LRP1B: variants seen among roughly 807,000 people sequenced by gnomAD.
The protein encoded by LRP1B is LDL receptor related protein 1B, also known as low-density lipoprotein receptor-related protein 1B.
LRP1B carries 217 observed loss-of-function variants against 556.6 expected under a neutral mutation model. The ratio of observed to expected loss-of-function variants is 0.39; its 90% CI spans 0.35 to 0.44. The LOEUF is 0.44. Among genes scored for constraint, LRP1B ranks in the 20% least tolerant of loss-of-function variants. The pLI, the probability that LRP1B is intolerant of heterozygous loss-of-function variation, is 1.00. For missense variants in LRP1B, 5,053 were observed against 5,620.8 expected (o/e 0.90, Z 3.23); for synonymous variants, 2,047 against 1,865.8 (o/e 1.10, Z -2.50).
At chr2:140,924,007 A>G (rs1694815805) in intron 20 of LRP1B, among the ~76,000 whole-genome samples, 1 of 152,036 alleles carries the variant, frequency 6.6e-6, no homozygotes. Flanking sequence ...ATATTACAGT[A>G]AATAGATATT....
In LRP1B at chr2:140,450,517, G is replaced by A. The variant is rs1686841408; in HGVS notation, c.10057+51C>T. On this transcript the variant is annotated intron_variant, in intron 63 of 90. Coordinates refer to ENST00000389484, the MANE Select transcript of LRP1B (RefSeq NM_018557.3). ...GTGTAGATTCAATTTTCCAGGTCTG[G>A]GATATAAGGAACTCTAAATTCTAAA... 3 of 1,357,484 alleles carry A rather than the reference G, an allele frequency of 2.2e-6. No homozygotes were observed. The South Asian group carries it at 3.6e-5, about 16-fold the overall frequency. 84.1% of individuals were successfully genotyped at this position (1,357,484 alleles called of 1,614,324 possible).
At chr2:141,524,280 A>ATATATATATATATATATATAT (rs1553528056) in intron 2 of LRP1B, among the ~76,000 whole-genome samples, 1 of 151,306 alleles carries the variant, frequency 6.6e-6, no homozygotes, top group African/African-American at 2.4e-5. Context: ...ATATATATAT[A>ATATATATATATATATATATAT]AAACTCAATG....
intron 3 of LRP1B, among the ~76,000 whole-genome samples, chr2:141,289,406 A>AAG (rs1685855384): frequency 1.4e-5 from 2 of 146,512 alleles, no homozygotes; most frequent in African/African-American, 5.0e-5. Context: ...AAAAAAAAAA[A>AAG]GGAATGCAAA....
intron 7 of LRP1B, among the ~76,000 whole-genome samples, chr2:141,146,849 A>G (rs1487137036): frequency 1.3e-5 from 2 of 152,142 alleles, no homozygotes; most frequent in Non-Finnish European, 2.9e-5. Context: ...GAAAACAGTA[A>G]CAAGTAAAAA....
chr2:141,741,228 C>G (rs1186751128), intron 2 of LRP1B, among the ~76,000 whole-genome samples: 2 of 138,612 alleles, frequency 1.4e-5, no homozygotes, highest in African/African-American at 5.4e-5. Context: ...GTAATAAACA[C>G]AGGCGTGCAG....
intron 3 of LRP1B, among the ~76,000 whole-genome samples, chr2:141,383,493 T>C (rs1689715609): frequency 6.6e-6 from 1 of 152,174 alleles, no homozygotes; most frequent in Admixed American, 6.5e-5. Flanking sequence ...GGATAAAAAA[T>C]ATATGGTATA....
intron 43 of LRP1B, among the ~76,000 whole-genome samples, chr2:140,559,621 A>T (rs1680857310): frequency 1.3e-5 from 2 of 152,156 alleles, no homozygotes; most frequent in South Asian, 4.1e-4. Flanking sequence ...GCATGTCAAG[A>T]GAACATGGGA....
intron 66 of LRP1B, among the ~76,000 whole-genome samples, chr2:140,400,131 G>T (rs149950847): frequency 1.3e-5 from 2 of 150,952 alleles, no homozygotes; most frequent in African/African-American, 4.9e-5. Flanking sequence ...TATGATGTCA[G>T]TGCCCCATCT....
intron 7 of LRP1B, among the ~76,000 whole-genome samples, chr2:141,145,109 G>T (rs948180084): frequency 1.3e-5 from 2 of 152,030 alleles, no homozygotes; most frequent in African/African-American, 2.4e-5. Context: ...TTTGCTTTCA[G>T]AATTTTTCTC....
chr2:141,389,596 GCAA>G (rs146962572), intron 3 of LRP1B, among the ~76,000 whole-genome samples: 2,446 of 151,602 alleles, frequency 0.016, 75 homozygotes, highest in African/African-American at 0.056. Flanking sequence ...CGCACGAGGA[GCAA>G]CAACAACAAC....
At position 142,115,857 on chromosome 2, in the gene LRP1B, T is replaced by TGTAATATATATATG. The variant is rs371336853; in HGVS notation, c.82+14790_82+14791insCATATATATATTAC. ...TATATATGTAATATATATATATACA[T>TGTAATATATATATG]ATATATATATATGGGGGAAGTGACA... On this transcript the variant is annotated intron_variant, in intron 1 of 90. Transcript: ENST00000389484. Among the ~76,000 whole-genome samples, 2 of 11,524 alleles carry TGTAATATATATATG rather than the reference T, an allele frequency of 1.7e-4. 1 individual carries two copies. Among genetic ancestry groups the TGTAATATATATATG allele is most frequent in the Non-Finnish European group, 3.9e-4 (2 of 5,102 alleles). 7.6% of individuals were successfully genotyped at this position (11,524 alleles called of 152,430 possible). A position where few individuals can be genotyped will look rare whatever the true frequency, so the allele number is the denominator to read the frequency against.
chr2:141,532,104 T>C (rs1684905143), intron 2 of LRP1B, among the ~76,000 whole-genome samples: 1 of 152,194 alleles, frequency 6.6e-6, no homozygotes, highest in Admixed American at 6.5e-5. Flanking sequence ...TGTGAACACA[T>C]AAGTATCTGT....
At chr2:140,447,389 T>C (rs1454622971) in intron 63 of LRP1B, among the ~76,000 whole-genome samples, 2 of 152,182 alleles carry the variant, frequency 1.3e-5, no homozygotes, top group East Asian at 3.9e-4. Flanking sequence ...ATAAAGCATG[T>C]CATACTTTTT....
intron 2 of LRP1B, among the ~76,000 whole-genome samples, chr2:141,639,349 T>TATATATATACACAC (rs1262198983): frequency 1.6e-4 from 9 of 56,088 alleles, no homozygotes; most frequent in Non-Finnish European, 2.2e-4. Context: ...TATATATATA[T>TATATATATACACAC]ACACACACAC....
intron 32 of LRP1B, among the ~76,000 whole-genome samples, chr2:140,805,424 G>T (rs1690677195): frequency 6.6e-6 from 1 of 152,084 alleles, no homozygotes; most frequent in Admixed American, 6.6e-5. Context: ...AAGATTTGAT[G>T]GTTGTTGGAG....
At chr2:140,530,805 AAAAG>A (rs1250261022) in intron 47 of LRP1B, among the ~76,000 whole-genome samples, 1 of 152,130 alleles carries the variant, frequency 6.6e-6, no homozygotes, top group Non-Finnish European at 1.5e-5. Context: ...ATTTTACCAT[AAAAG>A]AAAGGTTAAG....
intron 2 of LRP1B, among the ~76,000 whole-genome samples, chr2:141,528,754 G>A (rs1684778184): frequency 6.6e-6 from 1 of 152,074 alleles, no homozygotes; most frequent in Non-Finnish European, 1.5e-5. Flanking sequence ...ACATCTAGAA[G>A]CCCTGGTTGA....
intron 3 of LRP1B, among the ~76,000 whole-genome samples, chr2:141,392,741 C>T (rs1341420218): frequency 6.6e-6 from 1 of 152,080 alleles, no homozygotes; most frequent in East Asian, 1.9e-4. Context: ...ACAAATTCTC[C>T]CTCTCAGAGG....
chr2:141,813,636 T>C (rs1233416963), intron 1 of LRP1B, among the ~76,000 whole-genome samples: 3 of 152,164 alleles, frequency 2.0e-5, no homozygotes, highest in Middle Eastern at 3.4e-3. Context: ...TAAAAAATTC[T>C]GAGGAGTGTA....
Sources: gnomAD v4.1 joint callset for allele counts (sites outside exome capture counted in the v4.1 genomes callset) on GRCh38, gnomAD v4.1.1 for gene constraint, MANE v1.5 for transcripts, NCBI Gene and HGNC (gene_info 2026-07-23, HGNC 2026-07-21) for gene names.